TRAPPC9: variants seen among roughly 807,000 people sequenced by gnomAD.
TRAPPC9 encodes IKK2 binding protein.
In TRAPPC9, 83 loss-of-function variants were observed where a neutral mutation model predicts 124.0. The ratio of observed to expected loss-of-function variants is 0.67; its 90% confidence interval spans 0.56 to 0.80. The LOEUF (loss-of-function observed/expected upper bound fraction) is 0.80. Among genes scored for constraint, TRAPPC9 ranks in the 30% least tolerant of loss-of-function variants. TRAPPC9 has a pLI of 0.00. For synonymous variants in TRAPPC9, 638 were observed against 617.5 expected (o/e 1.03, Z -0.49); for missense variants, 1,302 against 1,508.3 (o/e 0.86, Z 2.27).
At chr8:140,213,940 C>T (rs1345025036) in intron 17 of TRAPPC9, among the ~76,000 whole-genome samples, 12 of 152,194 alleles carry the variant, frequency 7.9e-5, no homozygotes, top group Admixed American at 4.6e-4. Context: ...TGCTGGTGTC[C>T]GCTCCCTGAC....
intron 17 of TRAPPC9, among the ~76,000 whole-genome samples, chr8:140,034,832 G>A (rs183079854): frequency 1.1e-3 from 160 of 152,356 alleles, no homozygotes; most frequent in Non-Finnish European, 1.8e-3. Context: ...GTCTGAGTCC[G>A]AAGGTCCTGC....
At chr8:140,451,889 A>G (rs10106009) in intron 1 of TRAPPC9, among the ~76,000 whole-genome samples, 84,700 of 151,890 alleles carry the variant, frequency 0.56, 23,802 homozygotes, top group Non-Finnish European at 0.57. Flanking sequence ...GGAAGGCCGA[A>G]GCTGGCGGAT....
At chr8:140,074,046 C>A (rs1843352492) in intron 17 of TRAPPC9, among the ~76,000 whole-genome samples, 1 of 152,184 alleles carries the variant, frequency 6.6e-6, no homozygotes, top group Non-Finnish European at 1.5e-5. Flanking sequence ...GCCTTTCATC[C>A]CTCCTGCCAC....
chr8:140,042,598 T>C (rs1306670373), intron 17 of TRAPPC9, among the ~76,000 whole-genome samples: 1 of 152,202 alleles, frequency 6.6e-6, no homozygotes, highest in Admixed American at 6.5e-5. Flanking sequence ...TTAGGGAGCC[T>C]AGCTGACCTC....
chr8:139,877,947 C>T (rs374190244), intron 21 of TRAPPC9, among the ~76,000 whole-genome samples: 5 of 152,204 alleles, frequency 3.3e-5, no homozygotes, highest in Admixed American at 6.5e-5. Flanking sequence ...GTCCGAGCCA[C>T]GCAACTGCTG....
chr8:140,404,909 C>CGTGTGTGTGTGTGTGTGTGTGTGT (rs71320356), intron 6 of TRAPPC9, among the ~76,000 whole-genome samples: 4 of 120,054 alleles, frequency 3.3e-5, no homozygotes, highest in Non-Finnish European at 3.8e-5. Context: ...TGTGAGCATG[C>CGTGTGTGTGTGTGTGTGTGTGTGT]GTGTGTGTGT....
rs555692836 is a variant in TRAPPC9, at chr8:140,427,219, T to C, written c.860-578A>G. Among the ~76,000 whole-genome samples, 3 of 152,040 alleles carry C rather than the reference T, an allele frequency of 2.0e-5. No homozygotes were observed. In the South Asian group the frequency reaches 6.2e-4, roughly 32 times the overall value. ...CCTGCCAGCTCTTCTTAAACAAGTA[T>C]GACAATTCCTTATTTCCACAAATAA... On this transcript the variant is annotated intron_variant, in intron 4 of 22. Coordinates refer to ENST00000438773, the MANE Select transcript of TRAPPC9 (RefSeq NM_001160372.4).
chr8:139,912,439 T>A (rs1056519849), intron 19 of TRAPPC9, among the ~76,000 whole-genome samples: 1 of 152,210 alleles, frequency 6.6e-6, no homozygotes, highest in Admixed American at 6.5e-5. Flanking sequence ...AAATGACTAT[T>A]GTAGAAAAAG....
At chr8:140,127,036 A>C (rs2061111744) in intron 17 of TRAPPC9, among the ~76,000 whole-genome samples, 1 of 152,182 alleles carries the variant, frequency 6.6e-6, no homozygotes, top group Non-Finnish European at 1.5e-5. Context: ...ATGTCTGGGC[A>C]TCTCTAACGT....
intron 19 of TRAPPC9, among the ~76,000 whole-genome samples, chr8:139,971,750 C>CACACACACACACAT (rs1409929083): frequency 4.2e-5 from 2 of 47,376 alleles, no homozygotes; most frequent in African/African-American, 1.2e-4. Flanking sequence ...TATATATATA[C>CACACACACACACAT]ACACACACAC....
At chr8:140,295,500 C>G (rs2065780944) in intron 11 of TRAPPC9, among the ~76,000 whole-genome samples, 1 of 152,174 alleles carries the variant, frequency 6.6e-6, no homozygotes, top group Non-Finnish European at 1.5e-5. Context: ...TGGCACTAAG[C>G]CTGGCAGCAC....
intron 16 of TRAPPC9, among the ~76,000 whole-genome samples, chr8:140,234,178 C>T (rs914645569): frequency 2.6e-5 from 4 of 152,130 alleles, no homozygotes; most frequent in African/African-American, 7.2e-5. Context: ...GATCACAAAC[C>T]CCACTGTGAA....
intron 17 of TRAPPC9, among the ~76,000 whole-genome samples, chr8:140,163,384 A>G (rs1414808823): frequency 6.6e-6 from 1 of 152,244 alleles, no homozygotes; most frequent in Non-Finnish European, 1.5e-5. Flanking sequence ...AGCATTCAGC[A>G]GAAAACAACA....
intron 21 of TRAPPC9, among the ~76,000 whole-genome samples, chr8:139,846,124 C>T (rs1029423718): frequency 1.1e-4 from 17 of 152,232 alleles, no homozygotes; most frequent in African/African-American, 3.9e-4. Flanking sequence ...GAAGAAACAC[C>T]GCTACAGGCT....
intron 15 of TRAPPC9, among the ~76,000 whole-genome samples, chr8:140,267,662 CGTT>C (rs145727531): frequency 0.17 from 25,171 of 151,664 alleles, 3,180 homozygotes; most frequent in East Asian, 0.73. Context: ...TGGGGTTTTT[CGTT>C]GTTGTTGTTG....
intron 11 of TRAPPC9, among the ~76,000 whole-genome samples, chr8:140,291,672 T>C (rs2065665677): frequency 6.6e-6 from 1 of 152,190 alleles, no homozygotes; most frequent in South Asian, 2.1e-4. Context: ...AGGTGGAAAG[T>C]TTTTGCAGAT....
At chr8:139,880,839 GGTTCCACACTGTA>G (rs1273646524) in intron 21 of TRAPPC9, among the ~76,000 whole-genome samples, 11 of 152,200 alleles carry the variant, frequency 7.2e-5, no homozygotes, top group Admixed American at 7.2e-4. Context: ...TTCTGGAAAT[GGTTCCACACTGTA>G]GTGCTAGGCC....
chr8:140,085,317 T>A (rs1233434886), intron 17 of TRAPPC9, among the ~76,000 whole-genome samples: 2 of 140,990 alleles, frequency 1.4e-5, no homozygotes, highest in Non-Finnish European at 3.0e-5. Context: ...TAAGTATGTT[T>A]GCAGAAAGAA....
At chr8:140,370,894 AG>A in intron 8 of TRAPPC9, 69 bp downstream of exon 8, 1 of 1,561,606 alleles carries the variant, frequency 6.4e-7, no homozygotes, top group South Asian at 1.1e-5. Flanking sequence ...CACTCAGGGC[AG>A]GGGCTGAAAC....
Sources: gnomAD v4.1 joint callset for allele counts (sites outside exome capture counted in the v4.1 genomes callset) on GRCh38, gnomAD v4.1.1 for gene constraint, MANE v1.5 for transcripts, NCBI Gene and HGNC (gene_info 2026-07-23, HGNC 2026-07-21) for gene names.